The following PPP1R21 variants were observed in gnomAD, a reference collection of about 807,000 sequenced individuals.
PPP1R21 encodes the protein KLRAQ motif containing 1.
PPP1R21 carries 85 observed loss-of-function variants against 112.8 expected under a neutral mutation model. That is an observed-to-expected ratio of 0.75 (90% CI 0.63 to 0.90). PPP1R21 has a LOEUF of 0.90. Among genes scored for constraint, PPP1R21 ranks in the 40% least tolerant of loss-of-function variants. PPP1R21 has a pLI of 0.00. For synonymous variants in PPP1R21, 381 were observed against 322.3 expected, an observed-to-expected ratio of 1.18 and a Z score of -1.95; for missense variants, 1,199 against 901.5, an observed-to-expected ratio of 1.33 and a Z score of -4.23.
At position 48,510,065 on chromosome 2, in the gene PPP1R21, A is replaced by G. The variant is rs1447751903; in HGVS notation, c.2136A>G (p.Ala712=). 8 of 1,614,124 alleles carry G rather than the reference A, an allele frequency of 5.0e-6. No individual in the cohort carries two copies. The highest frequency in any genetic ancestry group is 6.8e-6 in the Non-Finnish European group (8 of 1,179,954). Residue 712 remains alanine (A), a synonymous_variant, in exon 20 of 22, where the codon GCA becomes GCG. Transcript: ENST00000294952. ...CCTTGGCTGAAAAGTCTAAGGAAGC[A>G]TTGACAGAAGAAATGAAACTTGCCA... ...RLALAEKSKE[A]LTEEMKLASQ...
At chr2:48,476,969 G>T (rs1391363859) in intron 12 of PPP1R21, among the ~76,000 whole-genome samples, 5 of 151,860 alleles carry the variant, frequency 3.3e-5, no homozygotes, top group Non-Finnish European at 7.4e-5. Flanking sequence ...TCCCATTTTT[G>T]TTGTTGTTGT....
In PPP1R21 at chr2:48,469,479, T is replaced by TAG. The variant is rs1457036680; in HGVS notation, c.898-1607_898-1606insGA. On this transcript the variant is annotated intron_variant, in intron 9 of 21. Transcript: ENST00000294952. ...TATATATATATAGAGCATATATATA[T>TAG]ATATAGAGCATATATATATATATAT... 1.1e-4 allele frequency among the ~76,000 whole-genome samples: 9 copies of TAG among 82,538 alleles called. 1 individual carries two copies. The highest frequency in any genetic ancestry group is 3.7e-4 in the African/African-American group (8 of 21,452). 54.1% of individuals were successfully genotyped at this position (82,538 alleles called of 152,430 possible). A position where few individuals can be genotyped will look rare whatever the true frequency, so the allele number is the denominator to read the frequency against.
intron 17 of PPP1R21, among the ~76,000 whole-genome samples, chr2:48,502,911 A>G (rs1307871414): frequency 1.3e-5 from 2 of 151,734 alleles, no homozygotes; most frequent in Non-Finnish European, 2.9e-5. Context: ...CAATCTCCTG[A>G]CCTTGTGATC....
At chr2:48,442,556 G>C (rs987054428) in intron 1 of PPP1R21, among the ~76,000 whole-genome samples, 1 of 152,206 alleles carries the variant, frequency 6.6e-6, no homozygotes, top group Non-Finnish European at 1.5e-5. Context: ...GAGTGAGGCA[G>C]GGTTCAGCTT....
intron 16 of PPP1R21, among the ~76,000 whole-genome samples, 184 bp downstream of exon 16, chr2:48,495,955 A>G (rs571226704): frequency 6.6e-6 from 1 of 152,370 alleles, no homozygotes; most frequent in African/African-American, 2.4e-5. Context: ...TTGACACTCT[A>G]AGTCATCTTG....
At chr2:48,485,795 ATTGT>A (rs889935619) in intron 13 of PPP1R21, among the ~76,000 whole-genome samples, 16 of 150,582 alleles carry the variant, frequency 1.1e-4, no homozygotes, top group Middle Eastern at 3.2e-3. Context: ...AATTAATGAA[ATTGT>A]TTGTACAGAA....
At chr2:48,511,282 G>A in intron 20 of PPP1R21, 58 bp from the exon 21 acceptor site, 2 of 1,518,414 alleles carry the variant, frequency 1.3e-6, no homozygotes, top group Admixed American at 2.3e-5. Flanking sequence ...AATTAAAAAA[G>A]CTTCAGAGTG....
chr2:48,473,750 C>T (rs929682674), intron 11 of PPP1R21, among the ~76,000 whole-genome samples: 1 of 146,640 alleles, frequency 6.8e-6, no homozygotes, highest in South Asian at 2.2e-4. Flanking sequence ...GTCTAAAAAC[C>T]TTTTTTTTTT....
intron 8 of PPP1R21, 124 bp from the exon 9 acceptor site, chr2:48,465,369 A>C: frequency 2.1e-6 from 2 of 944,362 alleles, no homozygotes; most frequent in Non-Finnish European, 3.1e-6. Flanking sequence ...GTGGGAGCAG[A>C]TGAATTTAAA....
At position 48,454,683 on chromosome 2, in the gene PPP1R21, G is replaced by A. The variant is rs977614610; in HGVS notation, c.215G>A (p.Arg72Lys). Residue 72 changes from arginine (R) to lysine (K), a missense_variant, in exon 3 of 22, where the codon AGG becomes AAG. Physicochemically the swap from Arg to Lys is conservative, Grantham distance 26. Transcript: ENST00000294952. ...TTTCGAAATCTGCAGCTTGCCAAGA[G>A]GGTAGAACTACTTCAAGATGAACTA... ...LTFRNLQLAK[R>K]VELLQDELAL... 5 of 1,614,034 alleles carry A rather than the reference G, an allele frequency of 3.1e-6. No individual in the cohort carries two copies. In the African/African-American group the frequency reaches 5.3e-5, roughly 17 times the overall value.
chr2:48,445,624 T>C (rs902426877), intron 1 of PPP1R21, among the ~76,000 whole-genome samples: 1 of 152,294 alleles, frequency 6.6e-6, no homozygotes, highest in Middle Eastern at 3.4e-3. Context: ...CTCTTCCTGT[T>C]TAGTTTAACT....
intron 13 of PPP1R21, 86 bp from the exon 14 acceptor site, chr2:48,486,545 A>G (rs534858898): frequency 9.8e-7 from 1 of 1,015,578 alleles, no homozygotes; most frequent in South Asian, 1.5e-5. Context: ...AATTTAGAAG[A>G]ATAGATAGGA....
intron 1 of PPP1R21, among the ~76,000 whole-genome samples, chr2:48,442,154 A>C (rs1359076287): frequency 1.3e-5 from 2 of 152,222 alleles, no homozygotes; most frequent in Non-Finnish European, 2.9e-5. Context: ...CATCTTTTGA[A>C]GGAGTGTTTC....
At chr2:48,486,911 T>C (rs1012278260) in intron 14 of PPP1R21, among the ~76,000 whole-genome samples, 153 bp downstream of exon 14, 5 of 152,234 alleles carry the variant, frequency 3.3e-5, no homozygotes, top group Non-Finnish European at 5.9e-5. Context: ...TCCTACCCAG[T>C]ATGTACTCTG....
Position 48,445,878 on chromosome 2 carries a change from T to A in PPP1R21, c.57+4868T>A, listed in dbSNP as rs569628426. Among the ~76,000 whole-genome samples, 24 of 152,258 alleles carry A rather than the reference T, an allele frequency of 1.6e-4. 1 individual carries two copies. The South Asian group carries it at 4.6e-3, about 29-fold the overall frequency. On this transcript the variant is annotated intron_variant, in intron 1 of 21. Coordinates refer to ENST00000294952, the MANE Select transcript of PPP1R21 (RefSeq NM_001135629.3). ...AGGCAGAAAGAAAGACTAAGTAGGA[T>A]TCCCAGTAATTTGGAATACTTAAAA...
intron 1 of PPP1R21, among the ~76,000 whole-genome samples, chr2:48,447,212 A>C (rs1192458643): frequency 6.6e-6 from 1 of 152,232 alleles, no homozygotes; most frequent in Non-Finnish European, 1.5e-5. Flanking sequence ...GGGAGTGATT[A>C]GGAAAAATTA....
chr2:48,509,941 A>G, intron 19 of PPP1R21, 74 bp from the exon 20 acceptor site: 2 of 1,048,786 alleles, frequency 1.9e-6, no homozygotes, highest in East Asian at 2.5e-5. Flanking sequence ...AAGTGTTTTT[A>G]ACAAACTTTC....
chr2:48,479,984 C>T lies in PPP1R21; in HGVS notation c.1286C>T (p.Ala429Val), dbSNP rs770845769. Residue 429 changes from alanine to valine, a missense_variant, in exon 13 of 22, where the codon GCT becomes GTT. Transcript: ENST00000294952. ...NYSSVLTNVG[A>V]ALHGFHDVMK... ...AGTTCTGTGTTAACAAATGTTGGTG[C>T]TGCTCTGCATGGATTTCATGACGTT... 6.2e-7 allele frequency: 1 copy of T among 1,612,798 alleles called. No individual in the cohort carries two copies. The highest frequency in any genetic ancestry group is 8.5e-7 in the Non-Finnish European group (1 of 1,178,778).
chr2:48,465,377 A>C, intron 8 of PPP1R21, 116 bp from the exon 9 acceptor site: 7 of 987,876 alleles, frequency 7.1e-6, no homozygotes, highest in Non-Finnish European at 1.0e-5. Context: ...AGATGAATTT[A>C]AAGTAAGGAA....
Sources: gnomAD v4.1 joint callset for allele counts (sites outside exome capture counted in the v4.1 genomes callset) on GRCh38, gnomAD v4.1.1 for gene constraint, MANE v1.5 for transcripts, NCBI Gene and HGNC (gene_info 2026-07-23, HGNC 2026-07-21) for gene names.